Variants in LUZP2 observed in about 807,000 individuals in gnomAD.
LUZP2 encodes the protein leucine zipper protein 2.
Under a neutral mutation model 51.6 loss-of-function variants are expected in LUZP2, and 52 were observed. The ratio of observed to expected loss-of-function variants is 1.01; its 90% CI spans 0.81 to 1.27. The LOEUF (loss-of-function observed/expected upper bound fraction) is 1.27. Ranked by LOEUF, LUZP2 falls within the 50% of genes most tolerant of loss-of-function variation. The pLI is 0.00. For missense variants in LUZP2, 436 were observed against 395.4 expected (o/e 1.10, Z -0.87); for synonymous variants, 154 against 137.3 (o/e 1.12, Z -0.85).
chr11:24,517,567 A>T (rs1850514956), intron 1 of LUZP2, among the ~76,000 whole-genome samples: 2 of 144,060 alleles, frequency 1.4e-5, no homozygotes, highest in African/African-American at 2.5e-5. Flanking sequence ...AAAATGTTCT[A>T]TTTATTTTTT....
chr11:24,778,396 C>A (rs1849001538), intron 5 of LUZP2, among the ~76,000 whole-genome samples: 1 of 141,190 alleles, frequency 7.1e-6, no homozygotes, highest in Admixed American at 7.2e-5. Flanking sequence ...GCCTAGGCAA[C>A]AGAGCAAGAT....
intron 5 of LUZP2, chr11:24,890,894 CTTTTTTT>C (rs34323542): frequency 4.5e-5 from 33 of 740,102 alleles, no homozygotes; most frequent in African/African-American, 5.1e-5. Flanking sequence ...AGTAAAAGTT[CTTTTTTT>C]TTTTTTTTTT....
intron 5 of LUZP2, among the ~76,000 whole-genome samples, chr11:24,860,794 C>A (rs2171255): frequency 1 from 151,743 of 152,230 alleles, 75,629 homozygotes; most frequent in Middle Eastern, 1. Flanking sequence ...CAAAAACCCT[C>A]CCCAAGGGTC....
intron 1 of LUZP2, among the ~76,000 whole-genome samples, chr11:24,631,598 T>G (rs948966485): frequency 6.6e-6 from 1 of 151,972 alleles, no homozygotes; most frequent in Non-Finnish European, 1.5e-5. Context: ...TTAGTTCAGT[T>G]TGCTGGTATT....
chr11:24,856,221 A>G (rs1266627523), intron 5 of LUZP2, among the ~76,000 whole-genome samples: 1 of 152,194 alleles, frequency 6.6e-6, no homozygotes, highest in African/African-American at 2.4e-5. Flanking sequence ...ACTAATGTCT[A>G]GAATTTACAA....
intron 1 of LUZP2, among the ~76,000 whole-genome samples, chr11:24,517,700 A>G (rs1384569307): frequency 6.6e-6 from 1 of 152,058 alleles, no homozygotes; most frequent in Non-Finnish European, 1.5e-5. Context: ...AATCCATTTT[A>G]GAAGGTTGAA....
intron 5 of LUZP2, among the ~76,000 whole-genome samples, chr11:24,764,935 A>T (rs930089751): frequency 2.0e-5 from 3 of 152,218 alleles, no homozygotes; most frequent in Admixed American, 2.0e-4. Context: ...AACTACATAG[A>T]CTAGAATAAT....
chr11:24,636,035 T>C (rs1386069688), intron 1 of LUZP2, among the ~76,000 whole-genome samples: 1 of 152,142 alleles, frequency 6.6e-6, no homozygotes, highest in African/African-American at 2.4e-5. Flanking sequence ...CTGATTATTG[T>C]CAGTCGAGAA....
At chr11:24,592,745 C>T (rs908542885) in intron 1 of LUZP2, among the ~76,000 whole-genome samples, 47 of 150,700 alleles carry the variant, frequency 3.1e-4, no homozygotes, top group African/African-American at 1.0e-3. Flanking sequence ...ATTGAAATGA[C>T]ATAAATTTAT....
chr11:25,002,694 T>C (rs1340455376), intron 9 of LUZP2, among the ~76,000 whole-genome samples: 1 of 152,168 alleles, frequency 6.6e-6, no homozygotes, highest in Non-Finnish European at 1.5e-5. Flanking sequence ...GGTTGTGGGG[T>C]TGTCCCACGA....
chr11:24,557,664 A>T (rs1380518399), intron 1 of LUZP2, among the ~76,000 whole-genome samples: 2 of 152,182 alleles, frequency 1.3e-5, no homozygotes, highest in Non-Finnish European at 2.9e-5. Context: ...ATTTTATTCC[A>T]TTAGGGGATA....
At chr11:24,532,737 T>C (rs536278834) in intron 1 of LUZP2, among the ~76,000 whole-genome samples, 9 of 151,178 alleles carry the variant, frequency 6.0e-5, no homozygotes, top group African/African-American at 1.9e-4. Flanking sequence ...AGTTTCAAGA[T>C]GAATAATAGA....
At chr11:24,712,579 G>A (rs1857876571) in intron 1 of LUZP2, among the ~76,000 whole-genome samples, 1 of 152,084 alleles carries the variant, frequency 6.6e-6, no homozygotes, top group Non-Finnish European at 1.5e-5. Context: ...TGGGTGATGT[G>A]GGGGATAAGA....
intron 1 of LUZP2, among the ~76,000 whole-genome samples, chr11:24,548,895 A>G (rs1404685279): frequency 6.6e-6 from 1 of 151,994 alleles, no homozygotes; most frequent in African/African-American, 2.4e-5. Context: ...TGGTTAATTT[A>G]TTGTATATGT....
chr11:24,605,539 A>G (rs1478917081), intron 1 of LUZP2, among the ~76,000 whole-genome samples: 1 of 151,774 alleles, frequency 6.6e-6, no homozygotes, highest in Non-Finnish European at 1.5e-5. Context: ...TCTCTTAAGA[A>G]TTATGGCATA....
In LUZP2 at chr11:24,782,426, G is replaced by A. The variant is rs139337579; in HGVS notation, c.396+19118G>A. Reference sequence around the variant, plus strand: ...TTTCTCAAGTACTAAATTTGGAGGTGCTGCCAGGACTCAATGATGGATTGC... The same window carrying A: ...TTTCTCAAGTACTAAATTTGGAGGTACTGCCAGGACTCAATGATGGATTGC... On this transcript the variant is annotated intron_variant, in intron 5 of 11. Coordinates refer to ENST00000336930, the MANE Select transcript of LUZP2 (RefSeq NM_001009909.4). 2.6e-5 allele frequency among the ~76,000 whole-genome samples: 4 copies of A among 152,082 alleles called. No individual in the cohort carries two copies. In the East Asian group the frequency reaches 7.7e-4, roughly 29 times the overall value.
intron 1 of LUZP2, among the ~76,000 whole-genome samples, chr11:24,569,089 TAA>T (rs558736927): frequency 8.1e-6 from 1 of 123,970 alleles, no homozygotes; most frequent in Non-Finnish European, 1.7e-5. Context: ...GTAATAAAAA[TAA>T]AACAGTTAAA....
chr11:24,930,632 G>T (rs1854418326), intron 7 of LUZP2, among the ~76,000 whole-genome samples: 1 of 152,100 alleles, frequency 6.6e-6, no homozygotes, highest in Non-Finnish European at 1.5e-5. Flanking sequence ...GTTACCTGAT[G>T]CTTTTGCCTC....
intron 1 of LUZP2, among the ~76,000 whole-genome samples, chr11:24,609,354 TAGA>T (rs1306897415): frequency 5.9e-5 from 9 of 152,146 alleles, no homozygotes; most frequent in Non-Finnish European, 8.8e-5. Flanking sequence ...TCCACAGTTG[TAGA>T]AGAAGCAGCT....
Sources: gnomAD v4.1 joint callset for allele counts (sites outside exome capture counted in the v4.1 genomes callset) on GRCh38, gnomAD v4.1.1 for gene constraint, MANE v1.5 for transcripts, NCBI Gene and HGNC (gene_info 2026-07-23, HGNC 2026-07-21) for gene names.